Variants in RGS20 observed in about 807,000 individuals in gnomAD.
RGS20 encodes gz-selective GTPase-activating protein.
RGS20 carries 30 observed loss-of-function variants against 33.6 expected under a neutral mutation model. The ratio of observed to expected loss-of-function variants is 0.89; its 90% confidence interval spans 0.67 to 1.21. The LOEUF is 1.21. Among genes scored for constraint, RGS20 ranks in the 50% most tolerant of loss-of-function variants. The pLI, the probability that RGS20 is intolerant of heterozygous loss-of-function variation, is 0.00. For synonymous variants in RGS20, 208 were observed against 197.9 expected (o/e 1.05, Z -0.43); for missense variants, 472 against 502.4 (o/e 0.94, Z 0.58).
At chr8:53,949,189 T>C (rs1814633588) in intron 4 of RGS20, among the ~76,000 whole-genome samples, 1 of 123,706 alleles carries the variant, frequency 8.1e-6, no homozygotes, top group Admixed American at 1.0e-4. Flanking sequence ...ACAGTATATA[T>C]TTATATATGC....
intron 4 of RGS20, among the ~76,000 whole-genome samples, chr8:53,947,370 A>T (rs1814529844): frequency 1.6e-5 from 2 of 128,288 alleles, no homozygotes; most frequent in African/African-American, 5.5e-5. Context: ...GCTATATATA[A>T]GATATAGTAT....
intron 2 of RGS20, among the ~76,000 whole-genome samples, chr8:53,880,599 T>C (rs1002710684): frequency 2.1e-4 from 32 of 152,282 alleles, no homozygotes; most frequent in African/African-American, 7.2e-4. Context: ...CAGCACACTC[T>C]AGTCTCGCTC....
chr8:53,916,467 C>T (rs544890708), intron 2 of RGS20, among the ~76,000 whole-genome samples: 10 of 152,006 alleles, frequency 6.6e-5, no homozygotes, highest in Admixed American at 2.6e-4. Context: ...TTTTTTGCAA[C>T]GGTCTGTGAG....
chr8:53,954,579 G>A (rs916270975), intron 5 of RGS20, among the ~76,000 whole-genome samples: 20 of 151,800 alleles, frequency 1.3e-4, no homozygotes, highest in Non-Finnish European at 2.1e-4. Flanking sequence ...CAGGAGAATC[G>A]CTTGAACCTA....
At chr8:53,946,194 C>T (rs957975079) in intron 3 of RGS20, among the ~76,000 whole-genome samples, 2 of 152,044 alleles carry the variant, frequency 1.3e-5, no homozygotes, top group African/African-American at 4.8e-5. Flanking sequence ...CAATACATTC[C>T]TGACAGTCTT....
chr8:53,881,235 G>C (rs933092405), intron 2 of RGS20, 151 bp downstream of exon 1: 1 of 581,006 alleles, frequency 1.7e-6, no homozygotes, highest in Non-Finnish European at 2.8e-6. Context: ...GGTGCGAGTC[G>C]GGGGTTCCTT....
chr8:53,953,837 T>A (rs1308316311), intron 4 of RGS20, among the ~76,000 whole-genome samples: 1 of 152,222 alleles, frequency 6.6e-6, no homozygotes, highest in Non-Finnish European at 1.5e-5. Context: ...GCATTTATTC[T>A]AGCAACTTGG....
chr8:53,900,316 AT>A (rs1018468879), intron 2 of RGS20, among the ~76,000 whole-genome samples: 24 of 151,876 alleles, frequency 1.6e-4, no homozygotes, highest in African/African-American at 5.6e-4. Context: ...TGATTTTTAA[AT>A]TTTTTTTAGA....
intron 2 of RGS20, among the ~76,000 whole-genome samples, chr8:53,887,997 T>C (rs902661943): frequency 6.6e-6 from 1 of 152,044 alleles, no homozygotes. Context: ...AAAAGGTATA[T>C]GTATATTTTT....
chr8:53,881,973 G>T (rs1812397584), intron 2 of RGS20, among the ~76,000 whole-genome samples: 1 of 151,992 alleles, frequency 6.6e-6, no homozygotes, highest in South Asian at 2.1e-4. Context: ...CGTTGGAGGG[G>T]AGGGTCTGTG....
At chr8:53,924,895 A>C (rs531757766) in intron 2 of RGS20, among the ~76,000 whole-genome samples, 1 of 152,360 alleles carries the variant, frequency 6.6e-6, no homozygotes, top group South Asian at 2.1e-4. Flanking sequence ...TAGCCTCAGC[A>C]GAGGTCAGCT....
intron 2 of RGS20, among the ~76,000 whole-genome samples, chr8:53,924,066 G>A (rs906506463): frequency 3.3e-5 from 5 of 151,610 alleles, no homozygotes; most frequent in South Asian, 2.1e-4. Context: ...TGCCCAGGCC[G>A]GAGTGCAATG....
intron 4 of RGS20, among the ~76,000 whole-genome samples, chr8:53,951,808 G>T (rs1585962783): frequency 6.6e-6 from 1 of 151,792 alleles, no homozygotes; most frequent in South Asian, 2.1e-4. Flanking sequence ...CCTGAGGTAG[G>T]GAGTTTGAGG....
intron 2 of RGS20, among the ~76,000 whole-genome samples, chr8:53,898,893 C>G (rs1442998614): frequency 6.6e-6 from 1 of 152,156 alleles, no homozygotes; most frequent in East Asian, 1.9e-4. Context: ...CTGACGTATG[C>G]CTATGAAAGA....
At chr8:53,906,164 C>T (rs779329862) in intron 2 of RGS20, among the ~76,000 whole-genome samples, 26 of 152,044 alleles carry the variant, frequency 1.7e-4, no homozygotes, top group Non-Finnish European at 3.2e-4. Context: ...GCTTGTAATC[C>T]CAGCATTTTG....
At chr8:53,864,180 C>T (rs1811870065) in intron 1 of RGS20, among the ~76,000 whole-genome samples, 2 of 150,800 alleles carry the variant, frequency 1.3e-5, no homozygotes, top group South Asian at 4.4e-4. Context: ...AATCCCAGCA[C>T]TTTGGGAGGC....
chr8:53,901,291 C>G (rs1297480856), intron 2 of RGS20, among the ~76,000 whole-genome samples: 2 of 152,086 alleles, frequency 1.3e-5, no homozygotes, highest in Non-Finnish European at 2.9e-5. Context: ...TGGTCTCGAG[C>G]TCCTGACCTC....
At position 53,941,520 on chromosome 8, in the gene RGS20, G is replaced by T. The variant is rs139669401; in HGVS notation, c.659+1796G>T. Among the ~76,000 whole-genome samples, 93 of 152,206 alleles carry T rather than the reference G, an allele frequency of 6.1e-4. No individual in the cohort carries two copies. In the South Asian group the frequency reaches 7.9e-3, roughly 13 times the overall value. ...GGGTCAAATATTGATATAAAATGTG[G>T]CAATGAATTTTGTGTTAAAAAGTGT... On this transcript the variant is annotated intron_variant, in intron 3 of 5. Transcript: ENST00000297313.
chr8:53,854,762 C>T (rs1013835890), intron 1 of RGS20, among the ~76,000 whole-genome samples: 7 of 152,142 alleles, frequency 4.6e-5, no homozygotes, highest in African/African-American at 1.7e-4. Flanking sequence ...GCAATTTCAC[C>T]ATTAGGCATT....
Sources: allele counts gnomAD v4.1 joint callset (sites outside exome capture counted in the v4.1 genomes callset), GRCh38; gene constraint gnomAD v4.1.1; transcripts MANE v1.5; gene names NCBI Gene and HGNC (gene_info 2026-07-23, HGNC 2026-07-21).